ALKBH5: variants seen among roughly 807,000 people sequenced by gnomAD.
The protein encoded by ALKBH5 is alkB homolog 5, RNA demethylase, also known as RNA demethylase ALKBH5.
In ALKBH5, 2 loss-of-function variants were observed where a neutral mutation model predicts 32.1. The ratio of observed to expected loss-of-function variants is 0.06; its 90% CI spans 0.03 to 0.20. The LOEUF (loss-of-function observed/expected upper bound fraction) is 0.20, where lower values mean the gene tolerates loss of function less well. Among genes scored for constraint, ALKBH5 ranks in the 10% least tolerant of loss-of-function variants. The probability of loss-of-function intolerance (pLI) is 1.00; values close to 1 mark genes in which losing one functional copy is unlikely to be tolerated. For missense variants in ALKBH5, 352 were observed against 559.5 expected, an observed-to-expected ratio of 0.63 and a Z score of 3.74; for synonymous variants, 300 against 231.7, an observed-to-expected ratio of 1.29 and a Z score of -2.68.
chr17:18,197,169 G>A (rs1012509478), intron 2 of ALKBH5, among the ~76,000 whole-genome samples: 13 of 152,208 alleles, frequency 8.5e-5, no homozygotes, highest in East Asian at 1.9e-4. Flanking sequence ...CTATGGTACA[G>A]GCAGAGCAGT....
intron 2 of ALKBH5, among the ~76,000 whole-genome samples, chr17:18,197,705 C>A (rs931902039): frequency 4.6e-5 from 7 of 152,198 alleles, no homozygotes; most frequent in Non-Finnish European, 1.5e-5. Flanking sequence ...TTAATCAGCT[C>A]CCTGGGAAGC....
intron 2 of ALKBH5, among the ~76,000 whole-genome samples, chr17:18,205,477 G>C (rs999155919): frequency 6.6e-6 from 1 of 152,246 alleles, no homozygotes; most frequent in Non-Finnish European, 1.5e-5. Flanking sequence ...TGAGGCATCA[G>C]AACATTGGTT....
At chr17:18,206,698 G>C in intron 2 of ALKBH5, 117 bp from the exon 3 acceptor site, 1 of 1,131,934 alleles carries the variant, frequency 8.8e-7, no homozygotes, top group Non-Finnish European at 1.3e-6. Flanking sequence ...ACAGAGCAGA[G>C]ACTGCTGGCT....
At chr17:18,205,546 G>A (rs913669814) in intron 2 of ALKBH5, among the ~76,000 whole-genome samples, 1 of 152,182 alleles carries the variant, frequency 6.6e-6, no homozygotes, top group Admixed American at 6.5e-5. Context: ...TCCTACCCAC[G>A]TTCAGAGTAA....
Position 18,184,877 on chromosome 17 carries a change from G to C in ALKBH5, c.634G>C (p.Glu212Gln). 6.2e-7 allele frequency: 1 copy of C among 1,614,220 alleles called. No individual in the cohort carries two copies. The highest frequency in any genetic ancestry group is 8.5e-7 in the Non-Finnish European group (1 of 1,180,048). ...VSHVDPIHIF[E>Q]RPIVSVSFFS... ...TCACGTGGACCCCATCCACATCTTC[G>C]AGCGCCCCATCGTGTCCGTGTCCTT... The change falls in exon 1 of 4, where the codon GAG (glutamate) becomes CAG (glutamine). Residue 212 changes from glutamate (E) to glutamine (Q), a missense_variant. Transcript: ENST00000399138.
chr17:18,202,798 G>A lies in ALKBH5; in HGVS notation c.852-4017G>A, dbSNP rs975299695. ...TAATTAAAAAAAAAAAATTAGGGCC[G>A]GGCACGATGGCTCACGCCTGTAATT... On this transcript the variant is annotated intron_variant, in intron 2 of 3. Coordinates refer to ENST00000399138, the MANE Select transcript of ALKBH5 (RefSeq NM_017758.4). Among the ~76,000 whole-genome samples, 9 of 151,946 alleles carry A rather than the reference G, an allele frequency of 5.9e-5. No individual in the cohort carries two copies. In the South Asian group the frequency reaches 8.3e-4, roughly 14 times the overall value.
Position 18,184,379 on chromosome 17 carries a change from G to C in ALKBH5, c.136G>C (p.Ala46Pro). Residue 46 changes from alanine to proline, a missense_variant, in exon 1 of 4, where the codon GCT (alanine) becomes CCT (proline). Ala to Pro is a conservative substitution (Grantham distance 27). Around this residue, in one of 4 missense-constraint regions of ALKBH5, gnomAD observed 144 missense variants for 125.8 expected, o/e 1.14. Coordinates refer to ENST00000399138, the MANE Select transcript of ALKBH5 (RefSeq NM_017758.4). ...AAVAAAAAAA[A>P]AAEPYPVSGA... ...CGTAGCCGCCGCAGCCGCAGCCGCC[G>C]CTGCCGCCGAACCTTACCCTGTGTC... 6.6e-7 allele frequency: 1 copy of C among 1,518,520 alleles called. No individual in the cohort carries two copies. The highest frequency in any genetic ancestry group is 8.8e-7 in the Non-Finnish European group (1 of 1,136,200). The allele number at this position is 1,518,520 out of a possible 1,614,324, so 94.1% of individuals were successfully genotyped here. A position where few individuals can be genotyped will look rare whatever the true frequency, so the allele number is the denominator to read the frequency against.
chr17:18,199,509 A>G (rs1390748314), intron 2 of ALKBH5, among the ~76,000 whole-genome samples: 2 of 152,184 alleles, frequency 1.3e-5, no homozygotes, highest in East Asian at 1.9e-4. Context: ...TGTGCCAAGC[A>G]TCCACATATT....
chr17:18,185,714 C>T (rs897503504), intron 1 of ALKBH5, among the ~76,000 whole-genome samples: 2 of 152,206 alleles, frequency 1.3e-5, no homozygotes, highest in Non-Finnish European at 2.9e-5. Context: ...CTTACAGTTG[C>T]GTGAGCAGCA....
At chr17:18,205,808 A>G (rs1385787941) in intron 2 of ALKBH5, among the ~76,000 whole-genome samples, 4 of 152,166 alleles carry the variant, frequency 2.6e-5, no homozygotes, top group African/African-American at 4.8e-5. Flanking sequence ...AGCATCCTCT[A>G]GTATCCTTAG....
At chr17:18,201,835 AGATGATAGATAGATTGATT>A (rs140962819) in intron 2 of ALKBH5, among the ~76,000 whole-genome samples, 16,529 of 97,330 alleles carry the variant, frequency 0.17, 1,037 homozygotes, top group Non-Finnish European at 0.21. Flanking sequence ...ATAGATAGAT[AGATGATAGATAGATTGATT>A]GATTGATTTA....
chr17:18,191,490 C>A (rs766179824), intron 1 of ALKBH5, among the ~76,000 whole-genome samples: 8 of 152,130 alleles, frequency 5.3e-5, no homozygotes, highest in Non-Finnish European at 1.2e-4. Flanking sequence ...AGGGAGCATG[C>A]GGGCAGTCAA....
intron 2 of ALKBH5, among the ~76,000 whole-genome samples, chr17:18,199,147 CAG>C (rs1461197892): frequency 6.6e-6 from 1 of 152,180 alleles, no homozygotes; most frequent in Non-Finnish European, 1.5e-5. Context: ...GGGCACTCTA[CAG>C]AGAGTGGGGT....
intron 1 of ALKBH5, among the ~76,000 whole-genome samples, chr17:18,190,110 A>G (rs2047164787): frequency 6.6e-6 from 1 of 152,232 alleles, no homozygotes; most frequent in African/African-American, 2.4e-5. Flanking sequence ...GATCTTGGAC[A>G]GTCCCTCCAT....
intron 2 of ALKBH5, among the ~76,000 whole-genome samples, chr17:18,200,109 A>G (rs2047227513): frequency 7.3e-6 from 1 of 136,284 alleles, no homozygotes; most frequent in African/African-American, 2.8e-5. Flanking sequence ...AAAAAAAAAA[A>G]AAATTTTTTT....
intron 2 of ALKBH5, among the ~76,000 whole-genome samples, chr17:18,197,131 G>A (rs1427389153): frequency 2.0e-5 from 3 of 152,190 alleles, no homozygotes; most frequent in Non-Finnish European, 2.9e-5. Flanking sequence ...TATAGTAGAT[G>A]GGTATGATCC....
intron 3 of ALKBH5, among the ~76,000 whole-genome samples, chr17:18,207,819 AG>A (rs1367437398): frequency 1.3e-5 from 2 of 152,164 alleles, no homozygotes; most frequent in East Asian, 3.8e-4. Flanking sequence ...TTGTGGTTTC[AG>A]GGGGTAATGG....
intron 1 of ALKBH5, among the ~76,000 whole-genome samples, chr17:18,185,507 C>T (rs1005877738): frequency 1.3e-5 from 2 of 152,138 alleles, no homozygotes; most frequent in African/African-American, 2.4e-5. Flanking sequence ...AATTGAAGCA[C>T]ATTCTCCATT....
chr17:18,209,020 C>T lies in ALKBH5; in HGVS notation c.*624C>T, dbSNP rs553706420. On this transcript the variant is annotated 3_prime_UTR_variant, in exon 4 of 4. Transcript: ENST00000399138. The stretch of plus-strand genomic sequence containing the variant: ...CTGCCATCCCAAAGCTATTGTTAAG[C>T]CCCCCAGGCGTCCTCCACCCACGCC... The T allele has an allele frequency of 4.7e-4, 79 of 167,126 alleles. No individual in the cohort carries two copies. The highest frequency in any genetic ancestry group is 7.4e-4 in the Non-Finnish European group (57 of 76,738). The allele number at this position is 167,126 out of a possible 1,614,324, so 10.4% of individuals were successfully genotyped here.
Sources: allele counts gnomAD v4.1 joint callset (sites outside exome capture counted in the v4.1 genomes callset), GRCh38; gene constraint gnomAD v4.1.1; regional missense constraint gnomAD v4.1.1; transcripts MANE v1.5; gene names NCBI Gene and HGNC (gene_info 2026-07-23, HGNC 2026-07-21).